Variants in RBFOX3 observed in about 807,000 individuals in gnomAD.
RBFOX3 encodes the protein RNA binding protein fox-1 homolog 3.
Under a neutral mutation model 48.7 loss-of-function variants are expected in RBFOX3, and 17 were observed. That is an observed-to-expected ratio of 0.35 (90% CI 0.24 to 0.52). The LOEUF (loss-of-function observed/expected upper bound fraction) is 0.52. RBFOX3 is among the 20% of genes least tolerant of loss of function. The probability of loss-of-function intolerance (pLI) is 0.94; values close to 1 mark genes in which losing one functional copy is unlikely to be tolerated. For synonymous variants in RBFOX3, 212 were observed against 209.5 expected (o/e 1.01, Z -0.10); for missense variants, 382 against 497.5 (o/e 0.77, Z 2.21).
At chr17:79,148,017 C>CGG (rs138429084) in intron 4 of RBFOX3, among the ~76,000 whole-genome samples, 1 of 152,184 alleles carries the variant, frequency 6.6e-6, no homozygotes, top group Non-Finnish European at 1.5e-5. Flanking sequence ...CGTGGGGCCC[C>CGG]GGGGGGAGGG....
chr17:79,101,799 C>G (rs1045258810), intron 8 of RBFOX3, among the ~76,000 whole-genome samples, 155 bp from the exon 9 acceptor site: 2 of 152,138 alleles, frequency 1.3e-5, no homozygotes, highest in Non-Finnish European at 2.9e-5. Flanking sequence ...GAGCCTTGGC[C>G]CCCACTGCTC....
rs1299156923 is a variant in RBFOX3 at position 79,591,988 on chromosome 17, AGT to A, written c.-320+18836_-320+18837del. On this transcript the variant is annotated intron_variant, in intron 1 of 14. Transcript: ENST00000693108. ...ACGTGTGCACGCATGTGGTATGTGC[AGT>A]GTGTGTGTGTGGAGTGTGGAGTATT... 1.5e-3 allele frequency among the ~76,000 whole-genome samples: 224 copies of A among 149,738 alleles called. 3 individuals are homozygous for A. The South Asian group carries it at 0.02, about 13-fold the overall frequency.
intron 4 of RBFOX3, among the ~76,000 whole-genome samples, chr17:79,159,149 G>A (rs1167662852): frequency 6.6e-6 from 1 of 152,208 alleles, no homozygotes; most frequent in African/African-American, 2.4e-5. Context: ...GTGAGTTGGG[G>A]AGCGGAGACC....
chr17:79,501,908 T>G (rs1221461921), intron 1 of RBFOX3, among the ~76,000 whole-genome samples: 1 of 152,336 alleles, frequency 6.6e-6, no homozygotes, highest in Admixed American at 6.5e-5. Context: ...GAATTGATTT[T>G]GTTCTCTAAA....
At chr17:79,478,631 G>T (rs1177122972) in intron 2 of RBFOX3, among the ~76,000 whole-genome samples, 9 of 152,206 alleles carry the variant, frequency 5.9e-5, no homozygotes, top group African/African-American at 2.2e-4. Context: ...GAAAATTCAG[G>T]TTATCCCATG....
At chr17:79,179,363 G>A (rs1279979384) in intron 4 of RBFOX3, among the ~76,000 whole-genome samples, 2 of 152,202 alleles carry the variant, frequency 1.3e-5, no homozygotes, top group Non-Finnish European at 2.9e-5. Flanking sequence ...CGGAAACGCC[G>A]CATCCTCCAC....
chr17:79,633,378 T>G, the RBFOX3 span, among the ~76,000 whole-genome samples: 1 of 152,222 alleles, frequency 6.6e-6, no homozygotes, highest in Non-Finnish European at 1.5e-5. Context: ...TCATTCCGGG[T>G]GCACCCCCTC....
At chr17:79,597,143 C>A (rs908856316) in intron 1 of RBFOX3, among the ~76,000 whole-genome samples, 2 of 152,172 alleles carry the variant, frequency 1.3e-5, no homozygotes, top group Non-Finnish European at 2.9e-5. Flanking sequence ...GGAGAAAGCA[C>A]CTGCCCTCAC....
intron 1 of RBFOX3, among the ~76,000 whole-genome samples, chr17:79,507,122 G>A (rs974879579): frequency 6.6e-6 from 1 of 152,070 alleles, no homozygotes. Flanking sequence ...GCAGACCCCC[G>A]GGGGAGGCTG....
intron 2 of RBFOX3, among the ~76,000 whole-genome samples, chr17:79,353,356 G>A (rs551962690): frequency 4.6e-5 from 7 of 152,234 alleles, no homozygotes; most frequent in South Asian, 4.1e-4. Context: ...GGCCAGCTCC[G>A]TGGACTCTCC....
chr17:79,507,835 A>T (rs2083398490), intron 1 of RBFOX3, among the ~76,000 whole-genome samples: 1 of 152,212 alleles, frequency 6.6e-6, no homozygotes, highest in Admixed American at 6.5e-5. Flanking sequence ...TGCACAGAGC[A>T]GGCCAGGAAA....
In RBFOX3 at chr17:79,481,986, C is replaced by A. The variant is rs1303984624; in HGVS notation, c.-175+468G>T. 1.3e-5 allele frequency among the ~76,000 whole-genome samples: 2 copies of A among 152,112 alleles called. No individual in the cohort carries two copies. Among genetic ancestry groups the A allele is most frequent in the Non-Finnish European group, 2.9e-5 (2 of 68,030 alleles). ...GTGTCAGAGCTGAACGGCAGTCACCCTCTCGGGGTGGGAACAGAGGCATCA... is the reference window on the plus strand; with the variant it reads ...GTGTCAGAGCTGAACGGCAGTCACCATCTCGGGGTGGGAACAGAGGCATCA... On this transcript the variant is annotated intron_variant, in intron 2 of 14. Coordinates refer to ENST00000693108, the MANE Select transcript of RBFOX3 (RefSeq NM_001350451.2). The surrounding 1 kb of genome is among the most constrained non-coding windows in gnomAD (Gnocchi z 5.4).
intron 1 of RBFOX3, among the ~76,000 whole-genome samples, chr17:79,596,844 C>A (rs1261628289): frequency 6.6e-6 from 1 of 152,186 alleles, no homozygotes; most frequent in Non-Finnish European, 1.5e-5. Context: ...GGATGCTTCT[C>A]ATGTCCTCTG....
chr17:79,629,778 T>C, the RBFOX3 span, among the ~76,000 whole-genome samples: 3 of 152,222 alleles, frequency 2.0e-5, no homozygotes, highest in Admixed American at 6.5e-5. Context: ...GGGTGCTTGG[T>C]AAATAATTTG....
At chr17:79,595,942 G>A (rs2093558081) in intron 1 of RBFOX3, among the ~76,000 whole-genome samples, 1 of 152,230 alleles carries the variant, frequency 6.6e-6, no homozygotes, top group Non-Finnish European at 1.5e-5. Flanking sequence ...GTACTCCCCT[G>A]TGGACGGGGT....
chr17:79,581,631 G>C (rs978251651), intron 1 of RBFOX3, among the ~76,000 whole-genome samples: 8 of 152,272 alleles, frequency 5.3e-5, no homozygotes, highest in Admixed American at 5.2e-4. Flanking sequence ...CCCATTATTT[G>C]ATATGCGGGA....
At chr17:79,526,792 A>G (rs1282135860) in intron 1 of RBFOX3, among the ~76,000 whole-genome samples, 2 of 152,224 alleles carry the variant, frequency 1.3e-5, no homozygotes, top group African/African-American at 4.8e-5. Flanking sequence ...TTGTATAGAC[A>G]GTGATTCACC....
intron 1 of RBFOX3, among the ~76,000 whole-genome samples, chr17:79,503,835 G>C (rs1247301904): frequency 6.6e-6 from 1 of 152,218 alleles, no homozygotes; most frequent in African/African-American, 2.4e-5. Context: ...ATCTGAAGGA[G>C]GGTGTTTGCC....
At chr17:79,368,511 G>A (rs544514259) in intron 2 of RBFOX3, among the ~76,000 whole-genome samples, 8 of 152,342 alleles carry the variant, frequency 5.3e-5, no homozygotes, top group African/African-American at 7.2e-5. Flanking sequence ...GGGTTCCACC[G>A]GTTCCCCGCA....
Sources: gnomAD v4.1 joint callset for allele counts (sites outside exome capture counted in the v4.1 genomes callset) on GRCh38, gnomAD v4.1.1 for gene constraint, Gnocchi (gnomAD v3.1) non-coding constraint, MANE v1.5 for transcripts, NCBI Gene and HGNC (gene_info 2026-07-23, HGNC 2026-07-21) for gene names.